Variants in MED12L observed in about 807,000 individuals in gnomAD.
The protein encoded by MED12L is mediator complex subunit 12L.
MED12L carries 60 observed loss-of-function variants against 281.3 expected under a neutral mutation model. The ratio of observed to expected loss-of-function variants is 0.21; its 90% CI spans 0.17 to 0.26. MED12L has a LOEUF of 0.26. Ranked by LOEUF, MED12L falls within the 10% of genes least tolerant of loss-of-function variation. The pLI, the probability that MED12L is intolerant of heterozygous loss-of-function variation, is 1.00. For synonymous variants in MED12L, 974 were observed against 987.2 expected (o/e 0.99, Z 0.25); for missense variants, 2,146 against 2,680.9 (o/e 0.80, Z 4.41).
intron 16 of MED12L, among the ~76,000 whole-genome samples, chr3:151,256,288 C>G (rs1260955781): frequency 1.3e-5 from 2 of 152,114 alleles, no homozygotes; most frequent in East Asian, 3.9e-4. Flanking sequence ...CAAACTATTA[C>G]GGATGGGGCA....
intron 16 of MED12L, among the ~76,000 whole-genome samples, chr3:151,282,423 A>G (rs1742943804): frequency 6.7e-6 from 1 of 149,448 alleles, no homozygotes; most frequent in Non-Finnish European, 1.5e-5. Context: ...TGTGTTTTGT[A>G]TGTGTTGGGG....
chr3:151,147,504 A>G (rs949189693), intron 5 of MED12L, among the ~76,000 whole-genome samples: 1 of 152,252 alleles, frequency 6.6e-6, no homozygotes, highest in Non-Finnish European at 1.5e-5. Context: ...CCCCATGCCC[A>G]TGAGCAGTCA....
At chr3:151,326,085 C>A (rs1373976669) in intron 16 of MED12L, among the ~76,000 whole-genome samples, 1 of 152,122 alleles carries the variant, frequency 6.6e-6, no homozygotes, top group East Asian at 1.9e-4. Context: ...TTGTCAATAG[C>A]TTTAAAACTT....
chr3:151,266,429 G>A (rs558624021), intron 16 of MED12L, among the ~76,000 whole-genome samples: 20 of 152,278 alleles, frequency 1.3e-4, no homozygotes, highest in Admixed American at 5.2e-4. Context: ...TTGAGCGAAC[G>A]GACTTAACAT....
intron 20 of MED12L, among the ~76,000 whole-genome samples, chr3:151,358,843 A>G (rs1754264637): frequency 6.6e-6 from 1 of 152,174 alleles, no homozygotes; most frequent in Admixed American, 6.6e-5. Context: ...TGACTACTAT[A>G]CGATGGATAC....
At chr3:151,096,391 C>A (rs557653874) in intron 2 of MED12L, among the ~76,000 whole-genome samples, 18 of 152,218 alleles carry the variant, frequency 1.2e-4, no homozygotes, top group African/African-American at 3.9e-4. Flanking sequence ...CACACCCACC[C>A]CCTTTTTTTT....
In MED12L at chr3:151,370,640, T is replaced by C. The variant is rs539535703; in HGVS notation, c.3664+1091T>C. On this transcript the variant is annotated intron_variant, in intron 26 of 44. Coordinates refer to ENST00000687756, the MANE Select transcript of MED12L (RefSeq NM_001393769.1). ...ATTTCAGTGAGTAGAATTTCCCTACTGTGATCATATTTGAAGGGAAGGTCA... is the reference window on the plus strand; with the variant it reads ...ATTTCAGTGAGTAGAATTTCCCTACCGTGATCATATTTGAAGGGAAGGTCA... 3.3e-5 allele frequency among the ~76,000 whole-genome samples: 5 copies of C among 152,276 alleles called. No individual in the cohort carries two copies. In the South Asian group the frequency reaches 1.0e-3, roughly 32 times the overall value.
chr3:151,322,534 G>A (rs1749113201), intron 16 of MED12L, among the ~76,000 whole-genome samples: 1 of 151,868 alleles, frequency 6.6e-6, no homozygotes, highest in African/African-American at 2.4e-5. Flanking sequence ...ATCCATTATG[G>A]GAAGATAAGG....
chr3:151,213,938 G>A lies in MED12L; in HGVS notation c.2250+20272G>A, dbSNP rs145713396. ...ACTGACTGGATGAAAGAAGTCCAAA[G>A]AGGCTTTACAATTTTATAATATCTG... On this transcript the variant is annotated intron_variant, in intron 16 of 44. Coordinates refer to ENST00000687756, the MANE Select transcript of MED12L (RefSeq NM_001393769.1). 1.4e-5 allele frequency: 23 copies of A among 1,614,034 alleles called. No homozygotes were observed. Among genetic ancestry groups the A allele is most frequent in the Admixed American group, 1.7e-5 (1 of 60,000 alleles).
chr3:151,242,263 G>A (rs895675128), intron 16 of MED12L, among the ~76,000 whole-genome samples: 5 of 152,244 alleles, frequency 3.3e-5, no homozygotes, highest in African/African-American at 1.2e-4. Flanking sequence ...AAACTGGGCG[G>A]AGCCCACCAC....
chr3:151,166,678 C>CTTT (rs796405326), intron 11 of MED12L, among the ~76,000 whole-genome samples: 1 of 142,016 alleles, frequency 7.0e-6, no homozygotes, highest in African/African-American at 2.6e-5. Context: ...GGACCTCAGT[C>CTTT]TTTTTTTTTT....
chr3:151,290,400 A>C (rs1440453920), intron 16 of MED12L, among the ~76,000 whole-genome samples: 1 of 152,198 alleles, frequency 6.6e-6, no homozygotes, highest in Non-Finnish European at 1.5e-5. Flanking sequence ...GAAAACTTCA[A>C]GAGTATTCAA....
At chr3:151,219,903 C>G (rs141296934) in intron 16 of MED12L, among the ~76,000 whole-genome samples, 1 of 136,724 alleles carries the variant, frequency 7.3e-6, no homozygotes, top group Non-Finnish European at 1.6e-5. Flanking sequence ...CCCCCCCCCC[C>G]CCTTGGATAT....
At position 151,414,287 on chromosome 3, in the gene MED12L, G is replaced by A. The variant is rs536901257; in HGVS notation, c.6297+992G>A. ...GGAGATTTCCTAAGGAGACTGTACA[G>A]TGGGCTCTAATCTTATCAGCAGTCC... is the stretch of plus-strand genomic sequence containing the variant. On this transcript the variant is annotated intron_variant, in intron 42 of 44. Coordinates refer to ENST00000687756, the MANE Select transcript of MED12L (RefSeq NM_001393769.1). Among the ~76,000 whole-genome samples the A allele has an allele frequency of 3.3e-5, 5 of 152,318 alleles. 1 individual carries two copies. The South Asian group carries it at 6.2e-4, about 19-fold the overall frequency.
intron 11 of MED12L, among the ~76,000 whole-genome samples, chr3:151,178,299 G>C (rs779682831): frequency 2.0e-5 from 3 of 152,074 alleles, no homozygotes; most frequent in Non-Finnish European, 4.4e-5. Flanking sequence ...GCACCTCCAG[G>C]GTGGTACCTG....
At chr3:151,114,553 A>C (rs1467703194) in intron 2 of MED12L, among the ~76,000 whole-genome samples, 1 of 152,114 alleles carries the variant, frequency 6.6e-6, no homozygotes, top group Non-Finnish European at 1.5e-5. Context: ...CAGCAGTTAC[A>C]TAGAGGAATA....
chr3:151,292,595 G>A (rs1437086619), intron 16 of MED12L, among the ~76,000 whole-genome samples: 1 of 148,586 alleles, frequency 6.7e-6, no homozygotes, highest in Non-Finnish European at 1.5e-5. Context: ...TTTTTGAGAT[G>A]GAATTTTGCT....
At chr3:151,234,976 G>T (rs577277872) in intron 16 of MED12L, among the ~76,000 whole-genome samples, 2 of 152,146 alleles carry the variant, frequency 1.3e-5, no homozygotes, top group Admixed American at 1.3e-4. Flanking sequence ...TTCTAACCAC[G>T]TCATGGACGT....
At position 151,423,483 on chromosome 3, in the gene MED12L, C is replaced by A. The variant is rs1291887936; in HGVS notation, c.6409-6816C>A. The stretch of plus-strand genomic sequence containing the variant: ...AAAAGCCTATGTTTACAAATTAAAT[C>A]TGGTCTGGACTTAATATCAATGCCT... On this transcript the variant is annotated intron_variant, in intron 43 of 44. Coordinates refer to ENST00000687756, the MANE Select transcript of MED12L (RefSeq NM_001393769.1). Among the ~76,000 whole-genome samples, 7 of 152,268 alleles carry A rather than the reference C, an allele frequency of 4.6e-5. No homozygotes were observed. The East Asian group carries it at 7.7e-4, about 17-fold the overall frequency.
Sources: gnomAD v4.1 joint callset for allele counts (sites outside exome capture counted in the v4.1 genomes callset) on GRCh38, gnomAD v4.1.1 for gene constraint, MANE v1.5 for transcripts, NCBI Gene and HGNC (gene_info 2026-07-23, HGNC 2026-07-21) for gene names.